CPM: variants seen among roughly 807,000 people sequenced by gnomAD.
CPM encodes the protein renal carboxypeptidase.
CPM carries 35 observed loss-of-function variants against 46.4 expected under a neutral mutation model. That is an observed-to-expected ratio of 0.75 (90% CI 0.58 to 1.00). The LOEUF is 1.00. Ranked by LOEUF, CPM falls within the 50% of genes least tolerant of loss-of-function variation. CPM has a pLI of 0.00. For missense variants in CPM, 422 were observed against 530.4 expected, an observed-to-expected ratio of 0.80 and a Z score of 2.01; for synonymous variants, 195 against 195.3, an observed-to-expected ratio of 1.00 and a Z score of 0.01.
intron 2 of CPM, among the ~76,000 whole-genome samples, chr12:68,912,444 A>T (rs116597297): frequency 0.01 from 1,559 of 152,308 alleles, 24 homozygotes; most frequent in African/African-American, 0.035. Context: ...AATTAAGATG[A>T]CTTTGCCAAA....
chr12:68,924,079 G>T (rs1888149954), intron 2 of CPM, among the ~76,000 whole-genome samples: 1 of 151,070 alleles, frequency 6.6e-6, no homozygotes, highest in African/African-American at 2.4e-5. Context: ...GGAGGCTGAG[G>T]CAGGAGGATC....
intron 8 of CPM, among the ~76,000 whole-genome samples, chr12:68,858,570 G>C (rs1885070967): frequency 6.6e-6 from 1 of 151,988 alleles, no homozygotes; most frequent in Non-Finnish European, 1.5e-5. Context: ...CCGTGGAATG[G>C]GTGTTGTGTC....
intron 2 of CPM, among the ~76,000 whole-genome samples, chr12:68,900,080 G>A (rs532550492): frequency 1.3e-5 from 2 of 152,270 alleles, no homozygotes; most frequent in South Asian, 2.1e-4. Context: ...TCAAGAGAAT[G>A]AAAAGGTAAG....
chr12:68,945,263 A>G (rs1144965), intron 1 of CPM, among the ~76,000 whole-genome samples: 65,162 of 152,024 alleles, frequency 0.43, 14,768 homozygotes, highest in African/African-American at 0.59. Context: ...CTTGCTTCCA[A>G]GTGAAACTAT....
Position 68,858,936 on chromosome 12 carries a change from G to A in CPM, c.1076C>T (p.Ser359Phe), listed in dbSNP as rs1247770005. 4 of 1,495,078 alleles carry A rather than the reference G, an allele frequency of 2.7e-6. No individual in the cohort carries two copies. The highest frequency in any genetic ancestry group is 3.6e-6 in the Non-Finnish European group (4 of 1,120,714). The allele number at this position is 1,495,078 out of a possible 1,614,324, so 92.6% of individuals were successfully genotyped here. Reference protein sequence around the residue: ...GEYYLLLLPGSYIINVTVPGH... With the variant: ...GEYYLLLLPGFYIINVTVPGH... Reference sequence around the variant, plus strand: ...TTGCATACTTACATTTATTATATAAGACCCAGGCAAGAGAAGGAGATAATA... The same window carrying A: ...TTGCATACTTACATTTATTATATAAAACCCAGGCAAGAGAAGGAGATAATA... The change falls in exon 8 of 9, where the codon TCT becomes TTT. Residue 359 changes from serine to phenylalanine, a missense_variant. By Grantham distance (155) the Ser-to-Phe change is radical. Transcript: ENST00000551568.
chr12:68,958,271 T>C (rs1363646453), intron 1 of CPM, among the ~76,000 whole-genome samples: 1 of 152,210 alleles, frequency 6.6e-6, no homozygotes, highest in African/African-American at 2.4e-5. Context: ...TGCCACACTG[T>C]CTTTCACAAT....
At chr12:68,857,465 C>T (rs1273564527) in intron 8 of CPM, among the ~76,000 whole-genome samples, 1 of 152,076 alleles carries the variant, frequency 6.6e-6, no homozygotes, top group East Asian at 1.9e-4. Context: ...CATCCACCCT[C>T]CTTTAAAAGC....
At chr12:68,897,810 T>G (rs1269613303) in intron 2 of CPM, among the ~76,000 whole-genome samples, 1 of 152,058 alleles carries the variant, frequency 6.6e-6, no homozygotes, top group Non-Finnish European at 1.5e-5. Context: ...AGGTTTCTTT[T>G]TTTACAGTAT....
chr12:68,961,950 C>T (rs1039026617), intron 1 of CPM, among the ~76,000 whole-genome samples: 1 of 152,068 alleles, frequency 6.6e-6, no homozygotes, highest in South Asian at 2.1e-4. Flanking sequence ...TCTGTAATCC[C>T]AGCACTTTGG....
At chr12:68,952,656 C>A (rs567257145) in intron 1 of CPM, among the ~76,000 whole-genome samples, 3 of 152,106 alleles carry the variant, frequency 2.0e-5, no homozygotes, top group Non-Finnish European at 4.4e-5. Context: ...ACAGCACCAG[C>A]TAAAGAGAGA....
At chr12:68,861,818 G>T (rs1238918005) in intron 7 of CPM, among the ~76,000 whole-genome samples, 1 of 148,896 alleles carries the variant, frequency 6.7e-6, no homozygotes, top group Non-Finnish European at 1.5e-5. Context: ...GTGAGCCATC[G>T]CGCCCGGCTA....
At chr12:68,868,651 C>T (rs1367091469) in intron 6 of CPM, among the ~76,000 whole-genome samples, 1 of 152,130 alleles carries the variant, frequency 6.6e-6, no homozygotes, top group Non-Finnish European at 1.5e-5. Flanking sequence ...TCATCCTGTC[C>T]CTTACCCGGC....
chr12:68,961,773 A>AACAG (rs397747583), intron 1 of CPM, among the ~76,000 whole-genome samples: 1 of 149,320 alleles, frequency 6.7e-6, no homozygotes, highest in Admixed American at 6.7e-5. Context: ...CAGACAAACA[A>AACAG]CAACAAAAAA....
At chr12:68,896,246 T>C (rs1293794721) in intron 2 of CPM, among the ~76,000 whole-genome samples, 1 of 152,180 alleles carries the variant, frequency 6.6e-6, no homozygotes, top group African/African-American at 2.4e-5. Context: ...CCTCCTGCCA[T>C]CCAACACCTT....
intron 5 of CPM, chr12:68,844,377 A>G (rs1884080893): frequency 4.4e-6 from 1 of 225,324 alleles, no homozygotes; most frequent in South Asian, 1.8e-4. Flanking sequence ...AATGAGAGCA[A>G]CTTGAGAGAA....
At chr12:68,945,723 A>G (rs1479268998) in intron 1 of CPM, among the ~76,000 whole-genome samples, 3 of 152,174 alleles carry the variant, frequency 2.0e-5, no homozygotes, top group Non-Finnish European at 4.4e-5. Context: ...TCCTTGCAGA[A>G]CTGATCTGAA....
chr12:68,925,836 A>AG (rs1307125577), intron 2 of CPM, among the ~76,000 whole-genome samples: 3 of 152,234 alleles, frequency 2.0e-5, no homozygotes, highest in African/African-American at 7.2e-5. Flanking sequence ...ATATAATGCA[A>AG]GTCATATATA....
chr12:68,895,813 G>A (rs1229998309), intron 2 of CPM, among the ~76,000 whole-genome samples: 1 of 152,228 alleles, frequency 6.6e-6, no homozygotes, highest in East Asian at 1.9e-4. Context: ...GGGTGTGGTG[G>A]TGTGCCATGA....
chr12:68,909,160 G>A (rs753590946), intron 2 of CPM, among the ~76,000 whole-genome samples: 3 of 152,128 alleles, frequency 2.0e-5, no homozygotes, highest in Non-Finnish European at 4.4e-5. Flanking sequence ...ATCCAGCCTC[G>A]GTGTCCTGGG....
Sources: gnomAD v4.1 joint callset for allele counts (sites outside exome capture counted in the v4.1 genomes callset) on GRCh38, gnomAD v4.1.1 for gene constraint, MANE v1.5 for transcripts, NCBI Gene and HGNC (gene_info 2026-07-23, HGNC 2026-07-21) for gene names.